Variants in PKD1 observed in about 807,000 individuals in gnomAD.
PKD1 encodes the protein polycystin-1.
PKD1 carries 81 observed loss-of-function variants against 361.7 expected under a neutral mutation model. The observed-to-expected ratio is 0.22, with a 90% CI of 0.19 to 0.27. The LOEUF (loss-of-function observed/expected upper bound fraction) is 0.27, where lower values mean the gene tolerates loss of function less well. Ranked by LOEUF, PKD1 falls within the 10% of genes least tolerant of loss-of-function variation. PKD1 has a pLI of 1.00. For synonymous variants in PKD1, 3,615 were observed against 2,818.3 expected, an observed-to-expected ratio of 1.28 and a Z score of -8.95; for missense variants, 6,399 against 6,118.3, an observed-to-expected ratio of 1.05 and a Z score of -1.53.
Position 2,108,936 on chromosome 16 carries a change from C to T in PKD1, c.6231G>A (p.Ala2077=), listed in dbSNP as rs548665036. The change falls in exon 15 of 46, where the codon GCG becomes GCA. Residue 2077 remains alanine, a synonymous_variant. Transcript: ENST00000262304. ...TGGGGCTGGTGGCGGCCTCAAACTG[C>T]GCCGAGCGGTTGGTGAAGCAGGGGC... The part of the protein sequence containing the change: ...QSGPCFTNRS[A]QFEAATSPSP... 86 of 1,601,538 alleles carry T rather than the reference C, an allele frequency of 5.4e-5. No homozygotes were observed. In the East Asian group the frequency reaches 1.7e-3, roughly 31 times the overall value.
chr16:2,108,095 C>T (rs570480908), intron 15 of PKD1, 63 bp from the exon 16 acceptor site: 185 of 1,575,612 alleles, frequency 1.2e-4, no homozygotes, highest in Middle Eastern at 2.3e-4. Context: ...AAGCAGAGCC[C>T]GGCCCAGGAG....
intron 1 of PKD1, chr16:2,120,149 C>A: frequency 2.1e-6 from 1 of 484,082 alleles, no homozygotes; most frequent in Non-Finnish European, 3.7e-6. Flanking sequence ...GAGGTCAAGG[C>A]TACAGGGAGC....
chr16:2,099,724 C>G lies in PKD1; in HGVS notation c.9970G>C (p.Ala3324Pro). The G allele has an allele frequency of 6.4e-7, 1 of 1,570,188 alleles. No homozygotes were observed. The highest frequency in any genetic ancestry group is 8.6e-7 in the Non-Finnish European group (1 of 1,160,034). Residue 3324 changes from alanine (A) to proline (P), a missense_variant, in exon 30 of 46, where the codon GCT (alanine) becomes CCT (proline). Coordinates refer to ENST00000262304, the MANE Select transcript of PKD1 (RefSeq NM_001009944.3). ...RLSPLSVDTV[A>P]VGLVSSVVVY... ...ACCACGCTGGACACCAGGCCAACAGCGACTGTGTCGACGCTCAGCGGGCTC... is the reference window on the plus strand; with the variant it reads ...ACCACGCTGGACACCAGGCCAACAGGGACTGTGTCGACGCTCAGCGGGCTC...
At position 2,111,658 on chromosome 16, in the gene PKD1, A is replaced by G. The variant is rs1231418498; in HGVS notation, c.3509T>C (p.Leu1170Pro). 1.3e-6 allele frequency: 2 copies of G among 1,573,552 alleles called. No homozygotes were observed. Among genetic ancestry groups the G allele is most frequent in the Admixed American group, 1.8e-5 (1 of 54,096 alleles). The change falls in exon 15 of 46, where the codon CTG becomes CCG. Residue 1170 changes from leucine to proline, a missense_variant. Coordinates refer to ENST00000262304, the MANE Select transcript of PKD1 (RefSeq NM_001009944.3). The stretch of plus-strand genomic sequence containing the variant: ...GTTGGCAGCCGGCTGGCTCTGGGTC[A>G]GGACAGGGGAGCCGTCCCCGAAGTC... ...TWDFGDGSPV[L>P]TQSQPAANHT... is the part of the protein sequence containing the mutation.
At chr16:2,133,405 GC>G (rs2092912367) in intron 1 of PKD1, among the ~76,000 whole-genome samples, 1 of 148,024 alleles carries the variant, frequency 6.8e-6, no homozygotes, top group East Asian at 1.9e-4. Context: ...ACCTGCGTGA[GC>G]CCCCCAGGAA....
In PKD1 at chr16:2,089,499, A is replaced by G. The variant is rs530534662; in HGVS notation, c.*228T>C. On this transcript the variant is annotated 3_prime_UTR_variant, in exon 46 of 46. Coordinates refer to ENST00000262304, the MANE Select transcript of PKD1 (RefSeq NM_001009944.3). ...CATCTCAGAGGCTAGAAACCGTCCA[A>G]TACTGCTGTGTCCTTCCCAAGGGAG... The G allele has an allele frequency of 5.0e-6, 3 of 598,514 alleles. 1 individual carries two copies. Among genetic ancestry groups the G allele is most frequent in the Non-Finnish European group, 8.9e-6 (3 of 335,650 alleles). 37.1% of individuals were successfully genotyped at this position (598,514 alleles called of 1,614,324 possible). A position where few individuals can be genotyped will look rare whatever the true frequency, so the allele number is the denominator to read the frequency against.
intron 24 of PKD1, 58 bp downstream of exon 24, chr16:2,102,756 G>C (rs992083823): frequency 5.6e-6 from 9 of 1,606,794 alleles, no homozygotes; most frequent in African/African-American, 2.7e-5. Context: ...CAGTAACCCA[G>C]GCAATGCTGA....
In PKD1 at chr16:2,118,049, C is replaced by A. The variant is rs745846699; in HGVS notation, c.943G>T (p.Asp315Tyr). 1 of 1,604,152 alleles carries A rather than the reference C, an allele frequency of 6.2e-7. No individual in the cohort carries two copies. Among genetic ancestry groups the A allele is most frequent in the Admixed American group, 1.7e-5 (1 of 59,926 alleles). ...WDFGDGSAEVDAAGPAASHRY... is the reference protein window; with the variant it reads ...WDFGDGSAEVYAAGPAASHRY... ...TGCGAGGCAGCCGGCCCAGCGGCAT[C>A]CACCTCGGCGGAGCCGTCTCCGAAG... The change falls in exon 5 of 46, where the codon GAT becomes TAT. Residue 315 changes from aspartate to tyrosine, a missense_variant. Physicochemically the swap from Asp to Tyr is radical, Grantham distance 160. Coordinates refer to ENST00000262304, the MANE Select transcript of PKD1 (RefSeq NM_001009944.3). The surrounding 1 kb of genome is among the most constrained non-coding windows in gnomAD (Gnocchi z 6.0).
At position 2,114,779 on chromosome 16, in the gene PKD1, C is replaced by G. The variant is rs557661193; in HGVS notation, c.2244G>C (p.Ser748=). Residue 748 remains serine (S), a synonymous_variant, in exon 11 of 46, where the codon TCG becomes TCC. Coordinates refer to ENST00000262304, the MANE Select transcript of PKD1 (RefSeq NM_001009944.3). ...GGGCTGGCAAGTGGGGCAGCCATGA[C>G]GAGGCGTTGGCGGAGAGGTACGGGG... ...PRAPYLSANA[S]SWLPHLPAQL... is the part of the protein sequence containing the mutation. 2.3e-4 allele frequency: 304 copies of G among 1,338,622 alleles called. 3 individuals are homozygous for G. In the South Asian group the frequency reaches 3.6e-3, roughly 16 times the overall value. 82.9% of individuals were successfully genotyped at this position (1,338,622 alleles called of 1,614,324 possible).
chr16:2,121,284 G>A (rs1202388207), intron 1 of PKD1, among the ~76,000 whole-genome samples: 2 of 151,966 alleles, frequency 1.3e-5, no homozygotes, highest in African/African-American at 4.8e-5. Flanking sequence ...AGAATCACTT[G>A]AACCCGCGAG....
At chr16:2,093,444 T>C (rs1392404399) in intron 37 of PKD1, 100 bp downstream of exon 37, 1 of 1,151,098 alleles carries the variant, frequency 8.7e-7, no homozygotes, top group Non-Finnish European at 1.3e-6. Context: ...AAGGGCCTTC[T>C]GAGGTGAGGA....
rs559001679 is a variant in PKD1 at position 2,124,595 on chromosome 16, A to G, written c.216-5217T>C. On this transcript the variant is annotated intron_variant, in intron 1 of 45. Coordinates refer to ENST00000262304, the MANE Select transcript of PKD1 (RefSeq NM_001009944.3). ...CAGCAGAGGGAATGGCCCCAGACAA[A>G]CCAGACCTGCCTCAGAGTCTCACAC... is the stretch of plus-strand genomic sequence containing the variant. Among the ~76,000 whole-genome samples the G allele has an allele frequency of 3.4e-3, 513 of 152,258 alleles. 2 individuals carry two copies. The highest frequency in any genetic ancestry group is 0.011 in the African/African-American group (465 of 41,558).
At chr16:2,130,324 C>A (rs2092856716) in intron 1 of PKD1, among the ~76,000 whole-genome samples, 1 of 152,190 alleles carries the variant, frequency 6.6e-6, no homozygotes, top group Non-Finnish European at 1.5e-5. Flanking sequence ...AGAGGCCCTA[C>A]CCCTGCCCCC....
In PKD1 at chr16:2,109,602, G is replaced by C. The variant is rs1002703427; in HGVS notation, c.5565C>G (p.Val1855=). The C allele has an allele frequency of 2.5e-6, 4 of 1,610,574 alleles. No individual in the cohort carries two copies. Among genetic ancestry groups the C allele is most frequent in the Admixed American group, 1.7e-5 (1 of 59,814 alleles). Residue 1855 remains valine (V), a synonymous_variant, in exon 15 of 46, where the codon GTC becomes GTG. Transcript: ENST00000262304. ...SSKRGPHVTM[V]FPDAGTFSIR... ...TGGAGAAGGTGCCAGCATCCGGGAA[G>C]ACCATGGTGACATGAGGGCCACGCT...
chr16:2,102,046 C>T lies in PKD1; in HGVS notation c.9397+15G>A, dbSNP rs749389330. The stretch of plus-strand genomic sequence containing the variant: ...GAGAGCAGGGGAGGCCCTGCCACCC[C>T]GCTGCGCCCCTCACCTGAGCCCCGG... On this transcript the variant is annotated intron_variant, in intron 26 of 45. Coordinates refer to ENST00000262304, the MANE Select transcript of PKD1 (RefSeq NM_001009944.3). 2.8e-4 allele frequency: 420 copies of T among 1,525,330 alleles called. No individual in the cohort carries two copies. Among genetic ancestry groups the T allele is most frequent in the Non-Finnish European group, 3.6e-4 (408 of 1,122,882 alleles). 94.5% of individuals were successfully genotyped at this position (1,525,330 alleles called of 1,614,324 possible). A position where few individuals can be genotyped will look rare whatever the true frequency, so the allele number is the denominator to read the frequency against.
intron 20 of PKD1, 46 bp from the exon 21 acceptor site, chr16:2,105,520 C>T (rs1293032371): frequency 6.3e-7 from 1 of 1,595,112 alleles, no homozygotes; most frequent in South Asian, 1.1e-5. Context: ...GCGCAGGAGG[C>T]CGGCAGGAGG....
chr16:2,107,922 C>G lies in PKD1; in HGVS notation c.7026G>C (p.Val2342=). 6.5e-7 allele frequency: 1 copy of G among 1,545,974 alleles called. No individual in the cohort carries two copies. Among genetic ancestry groups the G allele is most frequent in the South Asian group, 1.2e-5 (1 of 83,982 alleles). ...AGVEYTFSLT[V]WKAGRKEEAT... The stretch of plus-strand genomic sequence containing the variant: ...CCTCCTCCTTGCGGCCGGCCTTCCA[C>G]ACGGTCAGGCTGAAGGTGTACTCCA... The change falls in exon 16 of 46, where the codon GTG becomes GTC. Residue 2342 remains valine, a synonymous_variant. Coordinates refer to ENST00000262304, the MANE Select transcript of PKD1 (RefSeq NM_001009944.3).
chr16:2,121,814 T>C (rs1212923557), intron 1 of PKD1, among the ~76,000 whole-genome samples: 4 of 152,180 alleles, frequency 2.6e-5, no homozygotes, highest in Non-Finnish European at 5.9e-5. Context: ...CCTCACCTCC[T>C]GCCACGGGCC....
chr16:2,116,551 G>A lies in PKD1; in HGVS notation c.1700C>T (p.Ser567Leu), dbSNP rs765817015. Residue 567 changes from serine (S) to leucine (L), a missense_variant, in exon 8 of 46, where the codon TCA (serine) becomes TTA (leucine). Transcript: ENST00000262304. ...LTPLAQQDGL[S>L]APHEPVEVMV... ...TACCTCCACGGGCTCGTGCGGGGCT[G>A]AGAGGCCGTCCTGCTGTGCCAGAGG... 3.9e-6 allele frequency: 6 copies of A among 1,556,176 alleles called. No homozygotes were observed. Among genetic ancestry groups the A allele is most frequent in the South Asian group, 1.2e-5 (1 of 85,792 alleles).
Sources: gnomAD v4.1 joint callset for allele counts (sites outside exome capture counted in the v4.1 genomes callset) on GRCh38, gnomAD v4.1.1 for gene constraint, Gnocchi (gnomAD v3.1) non-coding constraint, MANE v1.5 for transcripts, NCBI Gene and HGNC (gene_info 2026-07-23, HGNC 2026-07-21) for gene names.